ENTHD1: variants seen among roughly 807,000 people sequenced by gnomAD.
The protein encoded by ENTHD1 is ENTH domain-containing protein 1.
ENTHD1 carries 23 observed loss-of-function variants against 39.1 expected under a neutral mutation model. The ratio of observed to expected loss-of-function variants is 0.59; its 90% confidence interval spans 0.42 to 0.83. The LOEUF is 0.83. Ranked by LOEUF, ENTHD1 falls within the 40% of genes least tolerant of loss-of-function variation. The pLI, the probability that ENTHD1 is intolerant of heterozygous loss-of-function variation, is 0.00. For synonymous variants in ENTHD1, 230 were observed against 258.2 expected (o/e 0.89, Z 1.05); for missense variants, 624 against 705.4 (o/e 0.88, Z 1.31).
rs527692346 is a variant in ENTHD1, at chr22:39,823,341, T to C, written c.712-2228A>G. On this transcript the variant is annotated intron_variant, in intron 4 of 6. Coordinates refer to ENST00000325157, the MANE Select transcript of ENTHD1 (RefSeq NM_152512.4). The stretch of plus-strand genomic sequence containing the variant: ...CATTTGTGTACAGGTTTTTGTATGA[T>C]ATACATTTTCTTTTTCTTTTTGAGA... Among the ~76,000 whole-genome samples, 470 of 152,074 alleles carry C rather than the reference T, an allele frequency of 3.1e-3. 3 individuals are homozygous for C. The highest frequency in any genetic ancestry group is 0.011 in the African/African-American group (453 of 41,424).
chr22:39,881,178 A>T (rs534800773), intron 2 of ENTHD1, among the ~76,000 whole-genome samples: 11 of 152,316 alleles, frequency 7.2e-5, no homozygotes, highest in Admixed American at 4.6e-4. Flanking sequence ...CGTTAGTTAC[A>T]TTTTCAAACA....
At chr22:39,810,487 G>A (rs1236504360) in intron 5 of ENTHD1, among the ~76,000 whole-genome samples, 1 of 152,120 alleles carries the variant, frequency 6.6e-6, no homozygotes, top group East Asian at 1.9e-4. Flanking sequence ...TGGAGTTCAG[G>A]TTATTAGGGT....
At chr22:39,845,816 A>G (rs929990260) in intron 3 of ENTHD1, among the ~76,000 whole-genome samples, 2 of 151,552 alleles carry the variant, frequency 1.3e-5, no homozygotes, top group African/African-American at 4.8e-5. Context: ...TTTTTTATAT[A>G]TTCTGGATAC....
At chr22:39,864,388 C>T (rs886354226) in intron 2 of ENTHD1, among the ~76,000 whole-genome samples, 7 of 152,172 alleles carry the variant, frequency 4.6e-5, no homozygotes, top group Non-Finnish European at 1.0e-4. Flanking sequence ...AGTGTCACCT[C>T]CTCAGAGAAT....
At chr22:39,834,856 G>A (rs962770433) in intron 4 of ENTHD1, among the ~76,000 whole-genome samples, 6 of 152,128 alleles carry the variant, frequency 3.9e-5, no homozygotes, top group South Asian at 4.1e-4. Flanking sequence ...TACACTGAGC[G>A]AAAAAATTCC....
At chr22:39,875,787 C>A in intron 2 of ENTHD1, 1 of 1,613,378 alleles carries the variant, frequency 6.2e-7, no homozygotes, top group Non-Finnish European at 8.5e-7. Context: ...AAGAACATGG[C>A]TTTCAAATGG....
Position 39,744,187 on chromosome 22 carries a change from G to A in ENTHD1, c.1316C>T (p.Pro439Leu), listed in dbSNP as rs1328787325. 1 of 1,614,130 alleles carries A rather than the reference G, an allele frequency of 6.2e-7. No homozygotes were observed. Among genetic ancestry groups the A allele is most frequent in the Non-Finnish European group, 8.5e-7 (1 of 1,179,990 alleles). ...SPEKSAHLLSPILAGPSFWTL... is the reference protein window; with the variant it reads ...SPEKSAHLLSLILAGPSFWTL... ...CCAGAAGGAAGGTCCGGCCAGAATTGGTGATAAGAGATGAGCTGACTTCTC... is the reference window on the plus strand; with the variant it reads ...CCAGAAGGAAGGTCCGGCCAGAATTAGTGATAAGAGATGAGCTGACTTCTC... The change falls in exon 7 of 7, where the codon CCA becomes CTA. Residue 439 changes from proline to leucine, a missense_variant. Coordinates refer to ENST00000325157, the MANE Select transcript of ENTHD1 (RefSeq NM_152512.4).
chr22:39,817,832 T>C (rs568014758), intron 5 of ENTHD1, among the ~76,000 whole-genome samples: 71 of 152,336 alleles, frequency 4.7e-4, no homozygotes, highest in African/African-American at 1.6e-3. Flanking sequence ...GACATTTTCA[T>C]TGGACCTGGC....
chr22:39,850,727 TA>T (rs2066028914), intron 3 of ENTHD1, among the ~76,000 whole-genome samples: 1 of 152,186 alleles, frequency 6.6e-6, no homozygotes, highest in Non-Finnish European at 1.5e-5. Flanking sequence ...CATGCACGTT[TA>T]CCTTTAAAAG....
In ENTHD1 at chr22:39,832,838, G is replaced by A. The variant is rs188941686; in HGVS notation, c.711+3002C>T. Among the ~76,000 whole-genome samples, 348 of 152,234 alleles carry A rather than the reference G, an allele frequency of 2.3e-3. 1 individual carries two copies. The highest frequency in any genetic ancestry group is 3.7e-3 in the Non-Finnish European group (250 of 68,020). Reference sequence around the variant, plus strand: ...GTCGGTGCTGGCTTTATCCTGGGACGGAAGGAAGGGAGTCTGCAGTGACAA... The same window carrying A: ...GTCGGTGCTGGCTTTATCCTGGGACAGAAGGAAGGGAGTCTGCAGTGACAA... On this transcript the variant is annotated intron_variant, in intron 4 of 6. Transcript: ENST00000325157.
rs1482236758 is a variant in ENTHD1, at chr22:39,882,203, C to T, written c.349+5197G>A. Among the ~76,000 whole-genome samples the T allele has an allele frequency of 3.3e-5, 5 of 152,230 alleles. No individual in the cohort carries two copies. In the South Asian group the frequency reaches 1.0e-3, roughly 32 times the overall value. On this transcript the variant is annotated intron_variant, in intron 2 of 6. Transcript: ENST00000325157. ...GATTAACATATGGTACATGCCCTCA[C>T]AATCTAGTTAAAATGAGACATATAA...
chr22:39,830,459 T>C (rs1045225495), intron 4 of ENTHD1, among the ~76,000 whole-genome samples: 1 of 152,134 alleles, frequency 6.6e-6, no homozygotes, highest in African/African-American at 2.4e-5. Context: ...CTTTCTAAGC[T>C]GTTAGAAAAA....
intron 4 of ENTHD1, among the ~76,000 whole-genome samples, chr22:39,824,201 C>CTTTTTT (rs71197195): frequency 1.7e-4 from 12 of 71,442 alleles, no homozygotes; most frequent in Non-Finnish European, 2.5e-4. Context: ...TTGTCCAGTT[C>CTTTTTT]TTTTTTTTTT....
chr22:39,892,941 T>C (rs1327593764), intron 1 of ENTHD1, among the ~76,000 whole-genome samples: 1 of 152,176 alleles, frequency 6.6e-6, no homozygotes, highest in Non-Finnish European at 1.5e-5. Context: ...GCCCTAAGTG[T>C]GTGTTCATTA....
chr22:39,820,620 C>G (rs1422473919), intron 5 of ENTHD1, among the ~76,000 whole-genome samples: 1 of 152,072 alleles, frequency 6.6e-6, no homozygotes, highest in Non-Finnish European at 1.5e-5. Flanking sequence ...AGATGATTAA[C>G]CAATTTGTGG....
At chr22:39,848,536 G>A (rs2066009654) in intron 3 of ENTHD1, among the ~76,000 whole-genome samples, 1 of 152,226 alleles carries the variant, frequency 6.6e-6, no homozygotes, top group African/African-American at 2.4e-5. Flanking sequence ...ACAGGCATGA[G>A]CCACAGCGCC....
intron 5 of ENTHD1, among the ~76,000 whole-genome samples, chr22:39,791,235 A>G (rs1428667253): frequency 2.0e-5 from 3 of 147,966 alleles, no homozygotes; most frequent in Non-Finnish European, 4.5e-5. Flanking sequence ...TTTAGACTAT[A>G]TAGTTTTAGA....
At chr22:39,761,517 T>A (rs2065232573) in intron 6 of ENTHD1, among the ~76,000 whole-genome samples, 1 of 152,198 alleles carries the variant, frequency 6.6e-6, no homozygotes, top group African/African-American at 2.4e-5. Flanking sequence ...AAATGATTTT[T>A]TCTGACCCCT....
chr22:39,840,441 T>A (rs909377753), intron 3 of ENTHD1, among the ~76,000 whole-genome samples: 27 of 152,192 alleles, frequency 1.8e-4, no homozygotes, highest in Non-Finnish European at 7.3e-5. Context: ...TATCAGGCAT[T>A]AGCAATGCAC....
Sources: allele counts gnomAD v4.1 joint callset (sites outside exome capture counted in the v4.1 genomes callset), GRCh38; gene constraint gnomAD v4.1.1; transcripts MANE v1.5; gene names NCBI Gene and HGNC (gene_info 2026-07-23, HGNC 2026-07-21).